Variants in DARS1 observed in about 807,000 individuals in gnomAD.
The protein encoded by DARS1 is aspartyl-tRNA synthetase 1, also known as aspartate--tRNA ligase, cytoplasmic.
Under a neutral mutation model 68.8 loss-of-function variants are expected in DARS1, and 51 were observed. The observed-to-expected ratio is 0.74, with a 90% confidence interval of 0.59 to 0.94. The LOEUF (loss-of-function observed/expected upper bound fraction) is 0.94, where lower values mean the gene tolerates loss of function less well. Ranked by LOEUF, DARS1 falls within the 40% of genes least tolerant of loss-of-function variation. The probability of loss-of-function intolerance (pLI) is 0.00; values close to 1 mark genes in which losing one functional copy is unlikely to be tolerated. For synonymous variants in DARS1, 203 were observed against 190.4 expected, an observed-to-expected ratio of 1.07 and a Z score of -0.55; for missense variants, 607 against 597.3, an observed-to-expected ratio of 1.02 and a Z score of -0.17.
chr2:135,922,169 G>A (rs1012008588), intron 9 of DARS1, among the ~76,000 whole-genome samples: 44 of 152,006 alleles, frequency 2.9e-4, no homozygotes, highest in Non-Finnish European at 1.5e-5. Flanking sequence ...AGTTTCTAAT[G>A]GACATCAGCA....
At chr2:135,910,994 T>C in intron 15 of DARS1, 145 bp downstream of exon 15, 1 of 563,188 alleles carries the variant, frequency 1.8e-6, no homozygotes, top group Admixed American at 3.5e-5. Flanking sequence ...TAATATTTTA[T>C]AACACACAAG....
At chr2:135,930,160 A>T (rs887246703) in intron 7 of DARS1, among the ~76,000 whole-genome samples, 7 of 152,220 alleles carry the variant, frequency 4.6e-5, no homozygotes, top group Admixed American at 2.6e-4. Context: ...CCACAGGGTC[A>T]AAGTAGGGTT....
chr2:135,921,331 T>G (rs1311862397), intron 9 of DARS1, among the ~76,000 whole-genome samples: 4 of 151,858 alleles, frequency 2.6e-5, no homozygotes, highest in Non-Finnish European at 5.9e-5. Context: ...TAACCTATAT[T>G]TCTCACTTCT....
chr2:135,964,702 G>A (rs909908544), intron 3 of DARS1, among the ~76,000 whole-genome samples: 2 of 151,878 alleles, frequency 1.3e-5, no homozygotes, highest in African/African-American at 2.4e-5. Context: ...TTAGCCGGGC[G>A]TGGTGGCAGG....
intron 5 of DARS1, among the ~76,000 whole-genome samples, chr2:135,937,290 T>C (rs192924942): frequency 2.5e-4 from 38 of 152,228 alleles, no homozygotes; most frequent in African/African-American, 6.0e-4. Context: ...GGTTTCGCCA[T>C]GTTGATCAGG....
rs1434200587 is a variant in DARS1, at chr2:135,923,040, T to C, written c.677-122A>G. The C allele has an allele frequency of 2.6e-6, 3 of 1,170,480 alleles. No individual in the cohort carries two copies. In the East Asian group the frequency reaches 9.4e-5, roughly 37 times the overall value. 72.5% of individuals were successfully genotyped at this position (1,170,480 alleles called of 1,614,324 possible). Reference sequence around the variant, plus strand: ...TTAACAAAAACTGGAAAATGAAGAATTGTGGCTAAATCACAGTCTATATAC... The same window carrying C: ...TTAACAAAAACTGGAAAATGAAGAACTGTGGCTAAATCACAGTCTATATAC... On this transcript the variant is annotated intron_variant, in intron 8 of 15. Coordinates refer to ENST00000264161, the MANE Select transcript of DARS1 (RefSeq NM_001349.4).
chr2:135,926,627 C>A (rs1039957972), intron 7 of DARS1, among the ~76,000 whole-genome samples: 1 of 152,204 alleles, frequency 6.6e-6, no homozygotes, highest in Non-Finnish European at 1.5e-5. Flanking sequence ...ATAAGATGTT[C>A]TTTAAAAGTA....
At chr2:135,927,979 C>T (rs1681260770) in intron 7 of DARS1, among the ~76,000 whole-genome samples, 1 of 152,036 alleles carries the variant, frequency 6.6e-6, no homozygotes, top group African/African-American at 2.4e-5. Context: ...AAAATTATAT[C>T]TTTTGTGGAG....
At chr2:135,957,713 C>T (rs1682010342) in intron 4 of DARS1, among the ~76,000 whole-genome samples, 1 of 152,008 alleles carries the variant, frequency 6.6e-6, no homozygotes, top group Non-Finnish European at 1.5e-5. Flanking sequence ...AGGCACAGAC[C>T]AGCAGTTCTA....
chr2:135,946,646 C>T (rs1304160028), intron 4 of DARS1, among the ~76,000 whole-genome samples: 1 of 152,040 alleles, frequency 6.6e-6, no homozygotes, highest in African/African-American at 2.4e-5. Context: ...ATCTGAAAAT[C>T]AAGGGTGAAG....
At chr2:135,985,213 A>C in intron 1 of DARS1, 190 bp downstream of exon 1, 1 of 919,526 alleles carries the variant, frequency 1.1e-6, no homozygotes. Flanking sequence ...GACCCCCGCA[A>C]GAAACGCGGT....
At chr2:135,927,675 A>C (rs1681250865) in intron 7 of DARS1, among the ~76,000 whole-genome samples, 1 of 152,144 alleles carries the variant, frequency 6.6e-6, no homozygotes, top group South Asian at 2.1e-4. Context: ...AGAGGGCATG[A>C]GGTAGAAGAT....
At chr2:135,961,624 G>A (rs1162230263) in intron 3 of DARS1, 126 bp from the exon 4 acceptor site, 2 of 621,946 alleles carry the variant, frequency 3.2e-6, no homozygotes, top group Non-Finnish European at 5.8e-6. Flanking sequence ...ACGCATGCAT[G>A]TGTATACTAT....
intron 15 of DARS1, among the ~76,000 whole-genome samples, chr2:135,908,904 C>A (rs1680840404): frequency 6.6e-6 from 1 of 152,130 alleles, no homozygotes; most frequent in Admixed American, 6.5e-5. Flanking sequence ...CAATGATAGA[C>A]TGGATAAAGT....
chr2:135,923,058 C>T (rs1681139371), intron 8 of DARS1, 140 bp from the exon 9 acceptor site: 3 of 952,742 alleles, frequency 3.1e-6, no homozygotes, highest in Non-Finnish European at 4.1e-6. Flanking sequence ...AAATCACAGT[C>T]TATATACATC....
At chr2:135,985,255 AG>A in intron 1 of DARS1, 147 bp downstream of exon 1, 1 of 1,325,364 alleles carries the variant, frequency 7.5e-7, no homozygotes, top group Non-Finnish European at 1.0e-6. Flanking sequence ...TGCTGGGGCA[AG>A]GGCTCTAGGC....
At position 135,983,415 on chromosome 2, in the gene DARS1, G is replaced by C; in HGVS notation, c.106C>G (p.Gln36Glu). The C allele has an allele frequency of 8.2e-7, 1 of 1,223,744 alleles. No homozygotes were observed. The highest frequency in any genetic ancestry group is 2.3e-5 in the East Asian group (1 of 42,748). 75.8% of individuals were successfully genotyped at this position (1,223,744 alleles called of 1,614,324 possible). A position where few individuals can be genotyped will look rare whatever the true frequency, so the allele number is the denominator to read the frequency against. The change falls in exon 2 of 16, where the codon CAA becomes GAA. Residue 36 changes from glutamine to glutamate, a missense_variant. Physicochemically the swap from Gln to Glu is conservative, Grantham distance 29. Transcript: ENST00000264161. ...KERYGISSMI[Q>E]SQEKPDRVLV... ...TACTAACCTGGTTTTTCTTGTGATT[G>C]TATCATTGAAGATATTCCATATCTC...
intron 3 of DARS1, 108 bp downstream of exon 3, chr2:135,979,166 C>A (rs1463101547): frequency 1.5e-6 from 1 of 682,808 alleles, no homozygotes. Context: ...AGAAAAGTTA[C>A]ATGTTTTTGT....
intron 7 of DARS1, among the ~76,000 whole-genome samples, chr2:135,931,211 C>T (rs747636356): frequency 1.3e-5 from 2 of 152,122 alleles, no homozygotes; most frequent in African/African-American, 4.8e-5. Context: ...TATGAAAGAG[C>T]TAGTTGGGGA....
Sources: allele counts gnomAD v4.1 joint callset (sites outside exome capture counted in the v4.1 genomes callset), GRCh38; gene constraint gnomAD v4.1.1; transcripts MANE v1.5; gene names NCBI Gene and HGNC (gene_info 2026-07-23, HGNC 2026-07-21).